EHBP1: variants seen among roughly 807,000 people sequenced by gnomAD.
The protein encoded by EHBP1 is EH domain binding protein 1.
A neutral mutation model predicts 144.0 loss-of-function variants in EHBP1; 55 were observed. The observed-to-expected ratio is 0.38, with a 90% CI of 0.31 to 0.48. The LOEUF (loss-of-function observed/expected upper bound fraction) is 0.48, where lower values mean the gene tolerates loss of function less well. Ranked by LOEUF, EHBP1 falls within the 20% of genes least tolerant of loss-of-function variation. EHBP1 has a pLI of 0.98. For missense variants in EHBP1, 1,200 were observed against 1,364.2 expected (o/e 0.88, Z 1.90); for synonymous variants, 469 against 472.7 (o/e 0.99, Z 0.10).
At chr2:62,979,482 C>T in intron 15 of EHBP1, 147 bp downstream of exon 15, 5 of 831,510 alleles carry the variant, frequency 6.0e-6, no homozygotes, top group Non-Finnish European at 8.7e-6. Flanking sequence ...CTAAAGGAAG[C>T]ATAGTAAATT....
intron 19 of EHBP1, among the ~76,000 whole-genome samples, chr2:63,012,906 C>T (rs530529828): frequency 1.3e-5 from 2 of 152,126 alleles, no homozygotes; most frequent in South Asian, 2.1e-4. Context: ...TGGAAACATT[C>T]ATGTTGAATA....
chr2:62,854,364 T>A lies in EHBP1; in HGVS notation c.635-4805T>A, dbSNP rs1288168520. Among the ~76,000 whole-genome samples the A allele has an allele frequency of 2.0e-5, 3 of 152,260 alleles. No homozygotes were observed. In the East Asian group the frequency reaches 5.8e-4, roughly 29 times the overall value. ...AGAATTTTTTCTTTGCATTCATAAC[T>A]TGTCTAACTGTTTAGCACAAGAGGC... On this transcript the variant is annotated intron_variant, in intron 7 of 22. Transcript: ENST00000431489.
At chr2:62,909,645 TGACCTG>T (rs1200543675) in intron 10 of EHBP1, among the ~76,000 whole-genome samples, 4 of 152,210 alleles carry the variant, frequency 2.6e-5, no homozygotes, top group African/African-American at 9.6e-5. Context: ...AAATGAACTG[TGACCTG>T]GTTCCCCAGC....
intron 1 of EHBP1, among the ~76,000 whole-genome samples, chr2:62,690,291 C>T (rs943183197): frequency 1.3e-5 from 2 of 151,982 alleles, no homozygotes; most frequent in African/African-American, 2.4e-5. Context: ...TGGCTGGGCA[C>T]GGTGGCTCAC....
At chr2:62,803,099 G>A (rs2044156341) in intron 5 of EHBP1, among the ~76,000 whole-genome samples, 1 of 152,166 alleles carries the variant, frequency 6.6e-6, no homozygotes, top group South Asian at 2.1e-4. Flanking sequence ...TGTACAGTGA[G>A]TGCCACGTTA....
chr2:62,754,166 G>A (rs950384528), intron 3 of EHBP1, among the ~76,000 whole-genome samples: 1 of 152,120 alleles, frequency 6.6e-6, no homozygotes, highest in Non-Finnish European at 1.5e-5. Flanking sequence ...TACAGATGGG[G>A]TTTTGTTGTG....
intron 8 of EHBP1, among the ~76,000 whole-genome samples, chr2:62,862,199 C>T (rs984647204): frequency 8.5e-5 from 13 of 152,282 alleles, no homozygotes; most frequent in Middle Eastern, 6.8e-3. Context: ...TTACTTGCTT[C>T]TCCATGGTGT....
intron 5 of EHBP1, among the ~76,000 whole-genome samples, chr2:62,803,520 C>A (rs1203485593): frequency 6.6e-6 from 1 of 152,142 alleles, no homozygotes; most frequent in African/African-American, 2.4e-5. Context: ...ATCATTATAT[C>A]TCACCATTAT....
chr2:62,727,972 G>C (rs1055085295), intron 2 of EHBP1, among the ~76,000 whole-genome samples: 1 of 152,230 alleles, frequency 6.6e-6, no homozygotes, highest in African/African-American at 2.4e-5. Context: ...ATTGACATCA[G>C]GGGTGAGACA....
At chr2:62,742,675 G>A (rs2038828016) in intron 2 of EHBP1, among the ~76,000 whole-genome samples, 1 of 152,026 alleles carries the variant, frequency 6.6e-6, no homozygotes, top group Middle Eastern at 3.4e-3. Context: ...GAGTCAAGTG[G>A]GGCCTATTTA....
In EHBP1 at chr2:62,677,026, G is replaced by C. The variant is rs533017363; in HGVS notation, c.-296+2943G>C. Among the ~76,000 whole-genome samples, 33 of 152,298 alleles carry C rather than the reference G, an allele frequency of 2.2e-4. No individual in the cohort carries two copies. The South Asian group carries it at 5.8e-3, about 27-fold the overall frequency. On this transcript the variant is annotated intron_variant, in intron 1 of 22. Coordinates refer to the EHBP1 transcript ENST00000405015. ...AAAAATTTAAAACTTAGCTGGGCAT[G>C]GTGGCACATTCTCGCAGTCCCAGAT... is the stretch of plus-strand genomic sequence containing the variant.
intron 15 of EHBP1, among the ~76,000 whole-genome samples, chr2:62,988,397 A>G (rs929330272): frequency 6.6e-6 from 1 of 152,048 alleles, no homozygotes. Context: ...GTAAATCCAA[A>G]CCATGGGATC....
rs572117079 is a variant in EHBP1 at position 62,881,853 on chromosome 2, C to T, written c.1185+7321C>T. ...TTTTGCCTATCTAGTCATGGGTGTG[C>T]TTTTACCGCTATATTAGGTTATTTA... On this transcript the variant is annotated intron_variant, in intron 10 of 22. Coordinates refer to ENST00000431489, the MANE Select transcript of EHBP1 (RefSeq NM_001142616.3). The T allele has an allele frequency of 5.4e-4, 82 of 152,174 alleles. 1 individual carries two copies. Among genetic ancestry groups the T allele is most frequent in the South Asian group, 2.3e-3 (11 of 4,820 alleles). 9.4% of individuals were successfully genotyped at this position (152,174 alleles called of 1,614,324 possible). A position where few individuals can be genotyped will look rare whatever the true frequency, so the allele number is the denominator to read the frequency against.
At chr2:62,936,629 G>A (rs1425029218) in intron 10 of EHBP1, among the ~76,000 whole-genome samples, 2 of 151,818 alleles carry the variant, frequency 1.3e-5, no homozygotes, top group African/African-American at 2.4e-5. Context: ...TAGTTTTCCT[G>A]TCTCTCCATG....
intron 7 of EHBP1, among the ~76,000 whole-genome samples, chr2:62,834,251 T>A (rs536054006): frequency 6.6e-6 from 1 of 152,236 alleles, no homozygotes; most frequent in Non-Finnish European, 1.5e-5. Flanking sequence ...TGAGAGGATT[T>A]ATTTCAATTT....
rs1193213489 is a variant in EHBP1 at position 62,819,981 on chromosome 2, C to T, written c.313-6106C>T. On this transcript the variant is annotated intron_variant, in intron 5 of 22. Coordinates refer to ENST00000431489, the MANE Select transcript of EHBP1 (RefSeq NM_001142616.3). The stretch of plus-strand genomic sequence containing the variant: ...ATCCCAGCACTTTGGGAGGCCGAAG[C>T]GGGCAGATCACCTGAGGTCAGGAGT... Among the ~76,000 whole-genome samples, 4 of 151,438 alleles carry T rather than the reference C, an allele frequency of 2.6e-5. No individual in the cohort carries two copies. In the East Asian group the frequency reaches 5.9e-4, roughly 22 times the overall value.
chr2:62,955,549 G>A lies in EHBP1; in HGVS notation c.2349G>A (p.Lys783=), dbSNP rs775817341. 17 of 1,612,156 alleles carry A rather than the reference G, an allele frequency of 1.1e-5. No individual in the cohort carries two copies. Among genetic ancestry groups the A allele is most frequent in the Non-Finnish European group, 1.4e-5 (17 of 1,178,932 alleles). The change falls in exon 14 of 23, where the codon AAG becomes AAA. Residue 783 remains lysine, a synonymous_variant. Transcript: ENST00000431489. ...TGTTATCTAGACAAGAAGAACTTAA[G>A]GAAAGAGCAAGAGTTCTGCTTGAGC... ...HRLLSRQEEL[K]ERARVLLEQA... is the part of the protein sequence containing the mutation.
chr2:62,923,879 T>C (rs1178822240), intron 10 of EHBP1, among the ~76,000 whole-genome samples: 1 of 152,168 alleles, frequency 6.6e-6, no homozygotes, highest in African/African-American at 2.4e-5. Context: ...ACCAGCTGAC[T>C]GCATCATGGC....
intron 5 of EHBP1, among the ~76,000 whole-genome samples, chr2:62,825,341 G>A (rs1222562118): frequency 2.0e-5 from 3 of 152,014 alleles, no homozygotes; most frequent in African/African-American, 7.2e-5. Flanking sequence ...AATAACTTTA[G>A]TAATGGAATG....
Sources: allele counts gnomAD v4.1 joint callset (sites outside exome capture counted in the v4.1 genomes callset), GRCh38; gene constraint gnomAD v4.1.1; transcripts MANE v1.5; gene names NCBI Gene and HGNC (gene_info 2026-07-23, HGNC 2026-07-21).